Variants in TCF12 observed in about 807,000 individuals in gnomAD.
TCF12 encodes the protein DNA-binding protein HTF4.
Under a neutral mutation model 86.0 loss-of-function variants are expected in TCF12, and 45 were observed. That is an observed-to-expected ratio of 0.52 (90% CI 0.41 to 0.67). The LOEUF is 0.67. Among genes scored for constraint, TCF12 ranks in the 30% least tolerant of loss-of-function variants. The pLI is 0.00. For missense variants in TCF12, 881 were observed against 859.9 expected (o/e 1.02, Z -0.31); for synonymous variants, 330 against 299.6 (o/e 1.10, Z -1.05).
intron 8 of TCF12, chr15:57,218,988 G>A: frequency 1.0e-6 from 1 of 1,001,400 alleles, no homozygotes; most frequent in Non-Finnish European, 1.2e-6. Flanking sequence ...ACATGATTCA[G>A]TGTTTCCAAT....
At chr15:57,056,031 C>T (rs2067992198) in intron 3 of TCF12, among the ~76,000 whole-genome samples, 1 of 151,846 alleles carries the variant, frequency 6.6e-6, no homozygotes, top group Non-Finnish European at 1.5e-5. Flanking sequence ...TCATCACGTT[C>T]ACTTACTGTT....
At chr15:57,245,751 T>G (rs893463934) in intron 13 of TCF12, among the ~76,000 whole-genome samples, 1 of 152,238 alleles carries the variant, frequency 6.6e-6, no homozygotes, top group African/African-American at 2.4e-5. Context: ...TTTTTCTCTT[T>G]AATTCAGGTT....
At chr15:57,063,184 A>T (rs1354405300) in intron 3 of TCF12, among the ~76,000 whole-genome samples, 1 of 152,222 alleles carries the variant, frequency 6.6e-6, no homozygotes, top group Non-Finnish European at 1.5e-5. Flanking sequence ...AGTGTCACCC[A>T]CAAAATTACT....
chr15:57,072,860 G>A, intron 4 of TCF12: 1 of 397,558 alleles, frequency 2.5e-6, no homozygotes, highest in Non-Finnish European at 4.0e-6. Flanking sequence ...AAAGCCAGAA[G>A]AGTAAAATGT....
chr15:56,971,376 G>A (rs1348410393), intron 3 of TCF12, among the ~76,000 whole-genome samples: 2 of 152,010 alleles, frequency 1.3e-5, no homozygotes, highest in East Asian at 1.9e-4. Flanking sequence ...GCAGTGAGCC[G>A]AGATCACGCC....
intron 3 of TCF12, among the ~76,000 whole-genome samples, chr15:57,023,097 G>A (rs1678848530): frequency 6.6e-6 from 1 of 152,016 alleles, no homozygotes; most frequent in Non-Finnish European, 1.5e-5. Context: ...TTTTGTTTTG[G>A]TTGACATACT....
At chr15:57,088,193 C>G (rs2048769696) in intron 4 of TCF12, among the ~76,000 whole-genome samples, 1 of 152,166 alleles carries the variant, frequency 6.6e-6, no homozygotes, top group Non-Finnish European at 1.5e-5. Flanking sequence ...CTCCCTTAGG[C>G]CATTTACCTT....
chr15:57,197,699 T>TA lies in TCF12; in HGVS notation c.527-73dup. On this transcript the variant is annotated intron_variant, in intron 7 of 20. Coordinates refer to ENST00000333725, the MANE Select transcript of TCF12 (RefSeq NM_207037.2). ...ACAAGAAAGACGCTAGGGGAAAAGT[T>TA]ATTCTGTTAATTTGAAGTCTTGATT... 5.8e-6 allele frequency: 9 copies of TA among 1,543,818 alleles called. No homozygotes were observed. The South Asian group carries it at 1.0e-4, about 18-fold the overall frequency.
chr15:57,214,188 C>A (rs959394736), intron 8 of TCF12: 2 of 152,132 alleles, frequency 1.3e-5, no homozygotes, highest in African/African-American at 2.4e-5. Context: ...ACTGCTTTGT[C>A]GTTGTGAGTT....
At chr15:57,007,401 A>G (rs1158512687) in intron 3 of TCF12, among the ~76,000 whole-genome samples, 2 of 152,204 alleles carry the variant, frequency 1.3e-5, no homozygotes, top group East Asian at 3.8e-4. Context: ...TTTGACGTGT[A>G]TTCTGTTTGA....
chr15:57,045,055 CA>C (rs1173866836), intron 3 of TCF12, among the ~76,000 whole-genome samples: 18 of 152,224 alleles, frequency 1.2e-4, no homozygotes, highest in African/African-American at 3.9e-4. Context: ...TTGTAGAAAA[CA>C]GTAACATTTT....
At chr15:57,178,567 A>C (rs1434922411) in intron 6 of TCF12, among the ~76,000 whole-genome samples, 2 of 152,238 alleles carry the variant, frequency 1.3e-5, no homozygotes, top group African/African-American at 4.8e-5. Flanking sequence ...ACCAAAGAGA[A>C]ATAAGATTTC....
intron 4 of TCF12, among the ~76,000 whole-genome samples, chr15:57,081,683 G>A (rs1016817089): frequency 2.6e-5 from 4 of 152,066 alleles, no homozygotes; most frequent in Non-Finnish European, 5.9e-5. Flanking sequence ...GACTACAGGC[G>A]CATGCCACTA....
chr15:57,073,010 C>T (rs756935680), intron 4 of TCF12, among the ~76,000 whole-genome samples: 1 of 152,180 alleles, frequency 6.6e-6, no homozygotes, highest in African/African-American at 2.4e-5. Flanking sequence ...AAAGAAAGCA[C>T]ATACTGATCA....
chr15:57,215,752 C>A (rs2058307153), intron 8 of TCF12, among the ~76,000 whole-genome samples: 1 of 152,044 alleles, frequency 6.6e-6, no homozygotes, highest in African/African-American at 2.4e-5. Context: ...TTTTGTGTTA[C>A]CTTTAGAAAC....
chr15:57,075,788 T>C (rs1294296963), intron 4 of TCF12, among the ~76,000 whole-genome samples: 77 of 41,838 alleles, frequency 1.8e-3, no homozygotes, highest in African/African-American at 7.0e-3. Flanking sequence ...CTTTCTTTCT[T>C]TCTTTCTTTC....
At chr15:57,017,019 A>G (rs1349307013) in intron 3 of TCF12, among the ~76,000 whole-genome samples, 1 of 152,128 alleles carries the variant, frequency 6.6e-6, no homozygotes, top group East Asian at 1.9e-4. Flanking sequence ...TGATGCAAAT[A>G]TGCTGATATA....
At chr15:56,968,691 G>A (rs2062133544) in intron 3 of TCF12, among the ~76,000 whole-genome samples, 1 of 152,204 alleles carries the variant, frequency 6.6e-6, no homozygotes, top group African/African-American at 2.4e-5. Context: ...CCAAATATCT[G>A]AGACAGGTCT....
chr15:57,029,515 A>G (rs2066020652), intron 3 of TCF12, among the ~76,000 whole-genome samples: 1 of 152,048 alleles, frequency 6.6e-6, no homozygotes, highest in African/African-American at 2.4e-5. Flanking sequence ...CCTCCACCTT[A>G]TTACTTGGAG....
Sources: gnomAD v4.1 joint callset for allele counts (sites outside exome capture counted in the v4.1 genomes callset) on GRCh38, gnomAD v4.1.1 for gene constraint, MANE v1.5 for transcripts, NCBI Gene and HGNC (gene_info 2026-07-23, HGNC 2026-07-21) for gene names.